The following CUL3 variants were observed in gnomAD, a reference collection of about 807,000 sequenced individuals.
CUL3 encodes the protein cullin-3.
Under a neutral mutation model 89.1 loss-of-function variants are expected in CUL3, and 19 were observed. That is an observed-to-expected ratio of 0.21 (90% confidence interval 0.15 to 0.31). The LOEUF is 0.31. CUL3 is among the 10% of genes least tolerant of loss of function. The pLI, the probability that CUL3 is intolerant of heterozygous loss-of-function variation, is 1.00. For synonymous variants in CUL3, 351 were observed against 308.4 expected (o/e 1.14, Z -1.45); for missense variants, 469 against 942.3 (o/e 0.50, Z 6.58).
At chr2:224,528,997 T>G (rs1263103969) in intron 3 of CUL3, among the ~76,000 whole-genome samples, 1 of 152,178 alleles carries the variant, frequency 6.6e-6, no homozygotes, top group African/African-American at 2.4e-5. Context: ...ATTAGCCTTC[T>G]TAACAGAAGA....
intron 3 of CUL3, among the ~76,000 whole-genome samples, chr2:224,530,144 CAGG>C (rs1489951746): frequency 4.6e-5 from 7 of 152,146 alleles, no homozygotes; most frequent in Non-Finnish European, 2.9e-5. Flanking sequence ...GAGGCTGAGG[CAGG>C]AGAATGGCGT....
intron 1 of CUL3, among the ~76,000 whole-genome samples, chr2:224,558,522 A>T (rs1486274495): frequency 6.6e-6 from 1 of 152,134 alleles, no homozygotes; most frequent in Non-Finnish European, 1.5e-5. Context: ...TGCCAATAAA[A>T]CCTGCTAGGT....
chr2:224,528,596 C>G (rs1693568730), intron 3 of CUL3, among the ~76,000 whole-genome samples: 1 of 152,152 alleles, frequency 6.6e-6, no homozygotes. Flanking sequence ...GCTTCTGTCA[C>G]CCTAAACTGA....
In CUL3 at chr2:224,505,953, T is replaced by A. The variant is rs1309526318; in HGVS notation, c.1206+3A>T. 1.9e-6 allele frequency: 3 copies of A among 1,556,660 alleles called. No individual in the cohort carries two copies. Among genetic ancestry groups the A allele is most frequent in the Non-Finnish European group, 2.6e-6 (3 of 1,141,826 alleles). ...TGTTATTTTCAAATGCATTACTACT[T>A]ACCCCTTTGACTCCCTTTTTCAGCT... On this transcript the variant is annotated splice_donor_region_variant and intron_variant, in intron 8 of 15. Coordinates refer to ENST00000264414, the MANE Select transcript of CUL3 (RefSeq NM_003590.5).
intron 4 of CUL3, 88 bp from the exon 5 acceptor site, chr2:224,513,726 T>C: frequency 1.1e-6 from 1 of 880,446 alleles, no homozygotes; most frequent in Non-Finnish European, 1.7e-6. Context: ...TAAAAATATC[T>C]TCAGGACATT....
chr2:224,535,669 C>T (rs755657567), intron 2 of CUL3, 28 bp from the exon 3 acceptor site: 46 of 1,373,982 alleles, frequency 3.3e-5, no homozygotes, highest in Middle Eastern at 1.8e-4. Flanking sequence ...CATTAGTTTG[C>T]ACACACACAT....
At chr2:224,494,673 T>C (rs1378465719) in intron 13 of CUL3, among the ~76,000 whole-genome samples, 2 of 152,194 alleles carry the variant, frequency 1.3e-5, no homozygotes, top group African/African-American at 2.4e-5. Context: ...CAACAAATGA[T>C]GCTGGAACAA....
At chr2:224,501,980 C>A (rs910016771) in intron 10 of CUL3, among the ~76,000 whole-genome samples, 1 of 152,192 alleles carries the variant, frequency 6.6e-6, no homozygotes, top group African/African-American at 2.4e-5. Context: ...AGGATAATTA[C>A]ACCACTATTT....
intron 1 of CUL3, among the ~76,000 whole-genome samples, chr2:224,561,845 T>C (rs553711244): frequency 6.6e-6 from 1 of 152,342 alleles, no homozygotes; most frequent in South Asian, 2.1e-4. Context: ...GTTGACTACA[T>C]ATGCTGAGGT....
At chr2:224,569,636 A>G in intron 1 of CUL3, 8 of 935,078 alleles carry the variant, frequency 8.6e-6, no homozygotes, top group Non-Finnish European at 9.1e-6. Context: ...TATAAAAAAT[A>G]TAACCTTCAA....
intron 1 of CUL3, among the ~76,000 whole-genome samples, chr2:224,580,826 T>C (rs189536250): frequency 6.6e-6 from 1 of 152,226 alleles, no homozygotes. Context: ...CAAAACACAA[T>C]TCTATATTTT....
chr2:224,478,129 G>T (rs2106141868), intron 15 of CUL3, 71 bp downstream of exon 15: 1 of 1,434,982 alleles, frequency 7.0e-7, no homozygotes, highest in Non-Finnish European at 9.4e-7. Flanking sequence ...TTTAAAATTA[G>T]TTGAATACAA....
At chr2:224,532,040 T>C (rs563703022) in intron 3 of CUL3, among the ~76,000 whole-genome samples, 29 of 152,306 alleles carry the variant, frequency 1.9e-4, no homozygotes, top group African/African-American at 5.8e-4. Flanking sequence ...AGAATAATTC[T>C]CAGGTTTCAG....
chr2:224,477,817 T>C (rs1691379206), intron 15 of CUL3, among the ~76,000 whole-genome samples: 1 of 152,234 alleles, frequency 6.6e-6, no homozygotes, highest in African/African-American at 2.4e-5. Flanking sequence ...CCTATCTTAA[T>C]GGCTTCCTAA....
intron 3 of CUL3, among the ~76,000 whole-genome samples, chr2:224,517,199 A>C (rs1159696529): frequency 6.6e-6 from 1 of 152,214 alleles, no homozygotes; most frequent in Non-Finnish European, 1.5e-5. Context: ...ACAGGAGAAT[A>C]CCTTTTAACC....
chr2:224,514,996 TAAAG>T (rs973044399), intron 3 of CUL3, among the ~76,000 whole-genome samples: 1 of 151,888 alleles, frequency 6.6e-6, no homozygotes, highest in African/African-American at 2.4e-5. Flanking sequence ...CCCATTTACC[TAAAG>T]AAAAAGGGTA....
At chr2:224,532,180 T>C (rs976339594) in intron 3 of CUL3, among the ~76,000 whole-genome samples, 1 of 151,994 alleles carries the variant, frequency 6.6e-6, no homozygotes, top group Non-Finnish European at 1.5e-5. Flanking sequence ...TCTCAGGAAA[T>C]GAAGCTAGAG....
intron 13 of CUL3, among the ~76,000 whole-genome samples, chr2:224,487,744 C>G (rs12997879): frequency 0.49 from 73,704 of 151,088 alleles, 18,098 homozygotes; most frequent in East Asian, 0.63. Context: ...ACTCAGCTCT[C>G]GACTAACAGA....
chr2:224,512,863 A>G (rs527988476), intron 5 of CUL3, among the ~76,000 whole-genome samples: 9 of 152,314 alleles, frequency 5.9e-5, no homozygotes, highest in Middle Eastern at 3.4e-3. Flanking sequence ...GTTTCATAAC[A>G]TACAGTTGAC....
Sources: allele counts gnomAD v4.1 joint callset (sites outside exome capture counted in the v4.1 genomes callset), GRCh38; gene constraint gnomAD v4.1.1; transcripts MANE v1.5; gene names NCBI Gene and HGNC (gene_info 2026-07-23, HGNC 2026-07-21).